The following RAP1GAP2 variants were observed in gnomAD, a reference collection of about 807,000 sequenced individuals.
RAP1GAP2 encodes rap1 GTPase-activating protein 2.
Under a neutral mutation model 95.0 loss-of-function variants are expected in RAP1GAP2, and 27 were observed. That is an observed-to-expected ratio of 0.28 (90% CI 0.21 to 0.39). The LOEUF (loss-of-function observed/expected upper bound fraction) is 0.39, where lower values mean the gene tolerates loss of function less well. Ranked by LOEUF, RAP1GAP2 falls within the 10% of genes least tolerant of loss-of-function variation. The pLI is 1.00. For synonymous variants in RAP1GAP2, 373 were observed against 380.9 expected (o/e 0.98, Z 0.24); for missense variants, 771 against 970.0 (o/e 0.79, Z 2.72).
In RAP1GAP2 at chr17:2,972,682, T is replaced by A. The variant is rs192798132; in HGVS notation, c.596+7039T>A. Among the ~76,000 whole-genome samples the A allele has an allele frequency of 3.1e-4, 47 of 151,842 alleles. 1 individual carries two copies. In the East Asian group the frequency reaches 8.5e-3, roughly 27 times the overall value. ...AAAAAGGGTAGGGGCCAATATTCCT[T>A]ACGAATGTAGAAATCAATGTTGTAA... On this transcript the variant is annotated intron_variant, in intron 8 of 24. Coordinates refer to ENST00000254695, the MANE Select transcript of RAP1GAP2 (RefSeq NM_015085.5).
rs775177614 is a variant in RAP1GAP2, at chr17:3,025,989, C to T, written c.1752-19C>T. ...GAGGGCTGTCTCCGCGGCCTCACTC[C>T]TCATTTCCATTCCCTCAGTGACAGC... On this transcript the variant is annotated intron_variant, in intron 19 of 24. Transcript: ENST00000254695. The T allele has an allele frequency of 1.9e-6, 3 of 1,581,184 alleles. No homozygotes were observed. The highest frequency in any genetic ancestry group is 2.2e-5 in the South Asian group (2 of 90,156).
intron 3 of RAP1GAP2, among the ~76,000 whole-genome samples, chr17:2,949,450 C>G (rs2043831560): frequency 6.6e-6 from 1 of 152,256 alleles, no homozygotes; most frequent in Admixed American, 6.5e-5. Context: ...CGAGTGCCTG[C>G]TCTATGCCCT....
chr17:2,922,739 C>A (rs2042824196), intron 3 of RAP1GAP2, among the ~76,000 whole-genome samples: 1 of 152,006 alleles, frequency 6.6e-6, no homozygotes. Context: ...AATAAATACT[C>A]ACAATAGGTT....
chr17:2,864,821 C>T (rs1178387654), intron 2 of RAP1GAP2, among the ~76,000 whole-genome samples: 1 of 152,334 alleles, frequency 6.6e-6, no homozygotes, highest in East Asian at 1.9e-4. Flanking sequence ...CTCCCTCCCC[C>T]TCCTGAATTA....
intron 2 of RAP1GAP2, among the ~76,000 whole-genome samples, chr17:2,836,465 C>T (rs1313920940): frequency 6.6e-6 from 1 of 152,124 alleles, no homozygotes; most frequent in Non-Finnish European, 1.5e-5. Context: ...GACCCCATCT[C>T]TCTTAAAAAC....
chr17:2,835,235 T>C (rs1430061491), intron 2 of RAP1GAP2, among the ~76,000 whole-genome samples: 1 of 151,508 alleles, frequency 6.6e-6, no homozygotes, highest in East Asian at 1.9e-4. Context: ...AATTAATTTT[T>C]CTGAGATGGA....
chr17:2,850,928 C>T (rs1315369541), intron 2 of RAP1GAP2, among the ~76,000 whole-genome samples: 3 of 151,940 alleles, frequency 2.0e-5, no homozygotes, highest in South Asian at 2.1e-4. Flanking sequence ...GATGTGGTGG[C>T]GAATGCCGGT....
chr17:2,768,181 G>A (rs950438961), intron 1 of RAP1GAP2, among the ~76,000 whole-genome samples: 2 of 152,198 alleles, frequency 1.3e-5, no homozygotes, highest in Non-Finnish European at 2.9e-5. Flanking sequence ...TCCCCAAAGA[G>A]GGGATTATTG....
chr17:2,769,412 G>A (rs1309580756), intron 1 of RAP1GAP2, among the ~76,000 whole-genome samples: 13 of 151,370 alleles, frequency 8.6e-5, no homozygotes, highest in Non-Finnish European at 1.5e-4. Flanking sequence ...AAAATTAGCC[G>A]GGCGTGGCGG....
Position 2,764,500 on chromosome 17 carries a change from A to T in RAP1GAP2, c.51-5829A>T, listed in dbSNP as rs894225212. ...CACTTTGGGAAGCCGAGGCGGGTGG[A>T]TCATGAGGTCAGGGGTTTGAGACCA... On this transcript the variant is annotated intron_variant, in intron 1 of 25. Coordinates refer to the RAP1GAP2 transcript ENST00000637138. Among the ~76,000 whole-genome samples the T allele has an allele frequency of 3.6e-4, 55 of 151,876 alleles. 1 individual carries two copies. Among genetic ancestry groups the T allele is most frequent in the Admixed American group, 1.1e-3 (17 of 15,220 alleles).
rs192949626 is a variant in RAP1GAP2, at chr17:2,862,708, C to T, written c.81-42576C>T. ...GATAGTTATATAACGTTAGAAAACC[C>T]GAATATGGGCTGTGCACAGTGGCTC... On this transcript the variant is annotated intron_variant, in intron 2 of 24. Coordinates refer to ENST00000254695, the MANE Select transcript of RAP1GAP2 (RefSeq NM_015085.5). Among the ~76,000 whole-genome samples the T allele has an allele frequency of 3.4e-4, 51 of 152,122 alleles. 1 individual carries two copies. In the East Asian group the frequency reaches 8.7e-3, roughly 26 times the overall value.
intron 3 of RAP1GAP2, among the ~76,000 whole-genome samples, chr17:2,939,091 TC>T (rs1451005840): frequency 1.3e-5 from 2 of 152,120 alleles, no homozygotes; most frequent in Non-Finnish European, 2.9e-5. Context: ...CACCACTTAT[TC>T]TTTTTTTTTC....
At chr17:3,025,948 G>T (rs983804873) in intron 19 of RAP1GAP2, 60 bp from the exon 20 acceptor site, 8 of 1,293,978 alleles carry the variant, frequency 6.2e-6, no homozygotes, top group Non-Finnish European at 8.9e-6. Flanking sequence ...CTGGGGCCGT[G>T]GATGGGGTGG....
chr17:2,988,585 T>C (rs890161280), intron 11 of RAP1GAP2, among the ~76,000 whole-genome samples: 3 of 152,244 alleles, frequency 2.0e-5, no homozygotes, highest in African/African-American at 7.2e-5. Flanking sequence ...TCTGTGGTAT[T>C]ATAACTGTAC....
Position 3,008,434 on chromosome 17 carries a change from G to A in RAP1GAP2, c.1494+289G>A, listed in dbSNP as rs2046403179. On this transcript the variant is annotated intron_variant, in intron 17 of 24. Transcript: ENST00000254695. This position sits in a 1 kb window ranked among gnomAD's most constrained non-coding sequence, Gnocchi z 4.2. Reference sequence around the variant, plus strand: ...AGGGACAGGTAAAGAGGTAGCAGTAGGAGAGGAGCTGGAGCAAGCCAGGAA... The same window carrying A: ...AGGGACAGGTAAAGAGGTAGCAGTAAGAGAGGAGCTGGAGCAAGCCAGGAA... Among the ~76,000 whole-genome samples the A allele has an allele frequency of 6.6e-6, 1 of 152,250 alleles. No homozygotes were observed. Among genetic ancestry groups the A allele is most frequent in the South Asian group, 2.1e-4 (1 of 4,836 alleles).
intron 3 of RAP1GAP2, among the ~76,000 whole-genome samples, chr17:2,909,729 G>C (rs2042311283): frequency 6.6e-6 from 1 of 152,086 alleles, no homozygotes; most frequent in Non-Finnish European, 1.5e-5. Flanking sequence ...TCTCCCCTTT[G>C]AGCTCAGCTC....
chr17:3,022,977 G>T (rs1411597269), intron 19 of RAP1GAP2, among the ~76,000 whole-genome samples: 1 of 152,210 alleles, frequency 6.6e-6, no homozygotes, highest in Non-Finnish European at 1.5e-5. Context: ...ACCACTTACT[G>T]AAGAATGTAT....
At chr17:2,795,301 C>A (rs2069043576), upstream of RAP1GAP2, among the ~76,000 whole-genome samples, 2 of 152,036 alleles carry the variant, frequency 1.3e-5, no homozygotes, top group African/African-American at 4.8e-5. Flanking sequence ...AGTGTACGTG[C>A]CACATCCCTT....
intron 2 of RAP1GAP2, among the ~76,000 whole-genome samples, chr17:2,810,254 T>C (rs1180918707): frequency 6.6e-6 from 1 of 151,978 alleles, no homozygotes; most frequent in African/African-American, 2.4e-5. Flanking sequence ...CCCGATGGCC[T>C]TCCCTGGGGG....
Sources: allele counts gnomAD v4.1 joint callset (sites outside exome capture counted in the v4.1 genomes callset), GRCh38; gene constraint gnomAD v4.1.1; non-coding constraint Gnocchi (gnomAD v3.1); transcripts MANE v1.5; gene names NCBI Gene and HGNC (gene_info 2026-07-23, HGNC 2026-07-21).